ZNF644: variants seen among roughly 807,000 people sequenced by gnomAD.
The protein encoded by ZNF644 is zinc finger motif enhancer binding protein 2.
A neutral mutation model predicts 108.0 loss-of-function variants in ZNF644; 20 were observed. The ratio of observed to expected loss-of-function variants is 0.19; its 90% CI spans 0.13 to 0.27. The LOEUF (loss-of-function observed/expected upper bound fraction) is 0.27, where lower values mean the gene tolerates loss of function less well. ZNF644 is among the 10% of genes least tolerant of loss of function. The probability of loss-of-function intolerance (pLI) is 1.00; values close to 1 mark genes in which losing one functional copy is unlikely to be tolerated. For missense variants in ZNF644, 1,338 were observed against 1,548.9 expected, an observed-to-expected ratio of 0.86 and a Z score of 2.29; for synonymous variants, 542 against 539.1, an observed-to-expected ratio of 1.01 and a Z score of -0.08.
At chr1:91,013,043 TTCTC>T (rs545812813) in intron 1 of ZNF644, among the ~76,000 whole-genome samples, 292 of 152,272 alleles carry the variant, frequency 1.9e-3, no homozygotes, top group Non-Finnish European at 3.1e-3. Flanking sequence ...GTCATATTAA[TTCTC>T]TCTAAATATT....
At chr1:90,974,504 C>T (rs1009996985) in intron 2 of ZNF644, among the ~76,000 whole-genome samples, 1 of 152,184 alleles carries the variant, frequency 6.6e-6, no homozygotes, top group Admixed American at 6.5e-5. Flanking sequence ...TGTTCTTCTT[C>T]ACAGTTCCTA....
chr1:90,923,108 A>G (rs1649651485), intron 4 of ZNF644, among the ~76,000 whole-genome samples: 2 of 152,108 alleles, frequency 1.3e-5, no homozygotes, highest in Non-Finnish European at 2.9e-5. Flanking sequence ...TTTCTGTACA[A>G]AGTGCCTAGG....
chr1:90,925,124 T>C (rs142805685), intron 4 of ZNF644, among the ~76,000 whole-genome samples: 3 of 152,316 alleles, frequency 2.0e-5, no homozygotes, highest in Non-Finnish European at 2.9e-5. Context: ...AGCAGTCAGC[T>C]ATGCACAGTA....
chr1:90,937,832 C>T lies in ZNF644; in HGVS notation c.3341G>A (p.Ser1114Asn), dbSNP rs1651504398. The change falls in exon 4 of 6, where the codon AGT (serine) becomes AAT (asparagine). Residue 1114 changes from serine to asparagine, a missense_variant. Physicochemically the swap from Ser to Asn is conservative, Grantham distance 46. Coordinates refer to ENST00000337393, the MANE Select transcript of ZNF644 (RefSeq NM_201269.3). Reference protein sequence around the residue: ...RPFVAQKLASSDDFISQNVIP... With the variant: ...RPFVAQKLASNDDFISQNVIP... ...AACATTTTGAGATATAAAGTCATCA[C>T]TTGATGCAAGTTTTTGAGCTACAAA... The T allele has an allele frequency of 6.2e-7, 1 of 1,613,892 alleles. No homozygotes were observed. Among genetic ancestry groups the T allele is most frequent in the Non-Finnish European group, 8.5e-7 (1 of 1,179,874 alleles).
chr1:90,984,979 T>C (rs2101530325), intron 1 of ZNF644, among the ~76,000 whole-genome samples: 1 of 152,330 alleles, frequency 6.6e-6, no homozygotes, highest in South Asian at 2.1e-4. Flanking sequence ...ATGGTAAATT[T>C]TGTTATGCAT....
intron 2 of ZNF644, among the ~76,000 whole-genome samples, chr1:90,968,593 T>C (rs1266830322): frequency 2.0e-5 from 3 of 152,158 alleles, no homozygotes; most frequent in Non-Finnish European, 2.9e-5. Context: ...ACAATGACTA[T>C]CTCCAGATTA....
chr1:90,982,438 A>C, intron 1 of ZNF644, 68 bp from the exon 2 acceptor site: 2 of 981,066 alleles, frequency 2.0e-6, no homozygotes, highest in Non-Finnish European at 1.6e-6. Context: ...CATAGCTACA[A>C]TACACTATTA....
At chr1:90,977,221 A>G (rs1217880329) in intron 2 of ZNF644, among the ~76,000 whole-genome samples, 1 of 152,120 alleles carries the variant, frequency 6.6e-6, no homozygotes, top group East Asian at 1.9e-4. Context: ...AATGAACCTA[A>G]TATTTAGTAA....
At position 91,021,979 on chromosome 1, in the gene ZNF644, C is replaced by G. The variant is rs1393153046; in HGVS notation, c.-18+11G>C. The G allele has an allele frequency of 1.3e-5, 5 of 398,878 alleles. No individual in the cohort carries two copies. The highest frequency in any genetic ancestry group is 6.2e-4 in the Middle Eastern group (1 of 1,612). 24.7% of individuals were successfully genotyped at this position (398,878 alleles called of 1,614,324 possible). On this transcript the variant is annotated intron_variant, in intron 1 of 5. Coordinates refer to ENST00000337393, the MANE Select transcript of ZNF644 (RefSeq NM_201269.3). ...CCCAGCGAATCTGACCAAATAACCC[C>G]TGAAACTCACAGTTTGGTGCCGTGT... is the stretch of plus-strand genomic sequence containing the variant.
intron 4 of ZNF644, among the ~76,000 whole-genome samples, chr1:90,933,658 C>T (rs1156886898): frequency 1.6e-5 from 2 of 127,150 alleles, no homozygotes; most frequent in Admixed American, 8.2e-5. Flanking sequence ...AGCGAGACTC[C>T]GTCTCAAAAT....
intron 2 of ZNF644, among the ~76,000 whole-genome samples, chr1:90,967,747 C>CA (rs1319420401): frequency 1.3e-5 from 2 of 151,868 alleles, no homozygotes; most frequent in East Asian, 3.9e-4. Context: ...AGTGAGTGCA[C>CA]AAAAAGATCC....
chr1:91,021,645 A>T (rs551383190), intron 1 of ZNF644: 2 of 6,824 alleles, frequency 2.9e-4, no homozygotes, highest in Non-Finnish European at 3.5e-4. Context: ...CCCCCCCCCC[A>T]TCCCCCCGCC....
intron 2 of ZNF644, among the ~76,000 whole-genome samples, chr1:90,962,199 G>T (rs1654400361): frequency 6.6e-6 from 1 of 151,794 alleles, no homozygotes; most frequent in African/African-American, 2.4e-5. Context: ...TTTATGGAAA[G>T]CAATGAAACA....
At chr1:91,002,702 T>C (rs1658984960) in intron 1 of ZNF644, among the ~76,000 whole-genome samples, 1 of 152,018 alleles carries the variant, frequency 6.6e-6, no homozygotes, top group Non-Finnish European at 1.5e-5. Context: ...ACTAAAGAGC[T>C]TCTGCACAGC....
chr1:90,960,746 G>A (rs1278658287), intron 2 of ZNF644, among the ~76,000 whole-genome samples: 1 of 152,114 alleles, frequency 6.6e-6, no homozygotes, highest in African/African-American at 2.4e-5. Flanking sequence ...CCTTTAGTGT[G>A]TGATCTCCCT....
At chr1:90,956,222 T>C (rs1233108202) in intron 2 of ZNF644, among the ~76,000 whole-genome samples, 2 of 152,146 alleles carry the variant, frequency 1.3e-5, no homozygotes, top group African/African-American at 4.8e-5. Flanking sequence ...TGACCACAGA[T>C]CACCATAACA....
At chr1:90,944,906 A>G (rs1652360958) in intron 2 of ZNF644, among the ~76,000 whole-genome samples, 1 of 152,216 alleles carries the variant, frequency 6.6e-6, no homozygotes, top group African/African-American at 2.4e-5. Context: ...GATCATCAAA[A>G]TCTGTTGCAC....
At chr1:90,949,098 C>T (rs1037388505) in intron 2 of ZNF644, among the ~76,000 whole-genome samples, 2 of 151,918 alleles carry the variant, frequency 1.3e-5, no homozygotes, top group African/African-American at 4.8e-5. Context: ...AAATCGTAAA[C>T]AAATTTCTGT....
chr1:91,008,716 A>G (rs1659668128), intron 1 of ZNF644, among the ~76,000 whole-genome samples: 3 of 152,234 alleles, frequency 2.0e-5, no homozygotes, highest in Admixed American at 1.3e-4. Context: ...GCCTCATCAG[A>G]TAACTTGGAC....
Sources: allele counts gnomAD v4.1 joint callset (sites outside exome capture counted in the v4.1 genomes callset), GRCh38; gene constraint gnomAD v4.1.1; transcripts MANE v1.5; gene names NCBI Gene and HGNC (gene_info 2026-07-23, HGNC 2026-07-21).